The following CNTN4 variants were observed in gnomAD, a reference collection of about 807,000 sequenced individuals.
The protein encoded by CNTN4 is contactin-4.
In CNTN4, 77 loss-of-function variants were observed where a neutral mutation model predicts 122.5. That is an observed-to-expected ratio of 0.63 (90% CI 0.52 to 0.76). The LOEUF (loss-of-function observed/expected upper bound fraction) is 0.76, where lower values mean the gene tolerates loss of function less well. CNTN4 is among the 30% of genes least tolerant of loss of function. The pLI is 0.00. For synonymous variants in CNTN4, 512 were observed against 447.0 expected (o/e 1.15, Z -1.83); for missense variants, 1,256 against 1,259.1 (o/e 1.00, Z 0.04).
intron 4 of CNTN4, among the ~76,000 whole-genome samples, chr3:2,603,469 A>G (rs2081134309): frequency 6.6e-6 from 1 of 152,212 alleles, no homozygotes; most frequent in Non-Finnish European, 1.5e-5. Context: ...AATCCTACAG[A>G]AAATAATGCT....
At chr3:2,741,686 T>C (rs2089465113) in intron 5 of CNTN4, among the ~76,000 whole-genome samples, 1 of 152,214 alleles carries the variant, frequency 6.6e-6, no homozygotes, top group Non-Finnish European at 1.5e-5. Context: ...ATGAGTTAAC[T>C]GGTCCTTGTT....
At chr3:2,108,696 G>C (rs147956578) in intron 2 of CNTN4, among the ~76,000 whole-genome samples, 79 of 152,330 alleles carry the variant, frequency 5.2e-4, no homozygotes, top group African/African-American at 1.8e-3. Context: ...GGAATAGTAT[G>C]TGTTTTGTAG....
chr3:2,271,470 CCTCCATTT>C (rs2041294538), intron 2 of CNTN4, among the ~76,000 whole-genome samples: 1 of 152,098 alleles, frequency 6.6e-6, no homozygotes, highest in South Asian at 2.1e-4. Flanking sequence ...TCTCTCTTTG[CCTCCATTT>C]CTTCATTTGT....
intron 3 of CNTN4, among the ~76,000 whole-genome samples, chr3:2,534,981 G>T (rs2077743904): frequency 6.6e-6 from 1 of 152,052 alleles, no homozygotes; most frequent in Non-Finnish European, 1.5e-5. Flanking sequence ...TGCATGCAGT[G>T]TAAAAGGTCA....
At chr3:2,401,683 A>G (rs1244621924) in intron 3 of CNTN4, among the ~76,000 whole-genome samples, 2 of 152,124 alleles carry the variant, frequency 1.3e-5, no homozygotes, top group Non-Finnish European at 2.9e-5. Context: ...AGGAGTGAAC[A>G]GTGCACATGG....
intron 19 of CNTN4, chr3:3,039,503 G>C (rs905524161): frequency 6.8e-5 from 12 of 175,652 alleles, no homozygotes; most frequent in African/African-American, 2.9e-4. Context: ...GCTTTAGAAA[G>C]GGTTCTTCAT....
intron 3 of CNTN4, among the ~76,000 whole-genome samples, chr3:2,352,319 G>A (rs1264403811): frequency 4.6e-5 from 7 of 152,194 alleles, no homozygotes; most frequent in East Asian, 1.9e-4. Flanking sequence ...TCAGCCTGCC[G>A]CTGCACTGTG....
intron 2 of CNTN4, among the ~76,000 whole-genome samples, chr3:2,245,399 G>T (rs769314042): frequency 5.3e-5 from 8 of 151,966 alleles, no homozygotes; most frequent in Non-Finnish European, 1.0e-4. Flanking sequence ...GAATAATACA[G>T]CCAGGTTGGT....
intron 3 of CNTN4, among the ~76,000 whole-genome samples, chr3:2,439,909 T>C (rs2048375084): frequency 6.6e-6 from 1 of 151,982 alleles, no homozygotes; most frequent in South Asian, 2.1e-4. Flanking sequence ...TTAAAAGCAG[T>C]GCCTTTTGAA....
intron 7 of CNTN4, among the ~76,000 whole-genome samples, chr3:2,855,300 G>T (rs1394932150): frequency 6.6e-6 from 1 of 152,168 alleles, no homozygotes; most frequent in Non-Finnish European, 1.5e-5. Flanking sequence ...CTTTGTCATG[G>T]TCTCAAGAGA....
In CNTN4 at chr3:3,056,200, A is replaced by G. The variant is rs1253673204; in HGVS notation, c.3061A>G (p.Thr1021Ala). Residue 1021 changes from threonine (T) to alanine (A), a missense_variant, in exon 25 of 25, where the codon ACA (threonine) becomes GCA (alanine). Coordinates refer to ENST00000418658, the MANE Select transcript of CNTN4 (RefSeq NM_175607.3). ...SAISTIMISL[T>A]ARSSL ...CATCAGTACAATAATGATTTCCCTC[A>G]CAGCTAGGTCCAGTTTATGACAAAA... is the stretch of plus-strand genomic sequence containing the variant. 6.2e-7 allele frequency: 1 copy of G among 1,613,842 alleles called. No homozygotes were observed. Among genetic ancestry groups the G allele is most frequent in the Admixed American group, 1.7e-5 (1 of 60,024 alleles).
intron 14 of CNTN4, among the ~76,000 whole-genome samples, chr3:3,014,923 G>GA (rs1316055973): frequency 7.7e-6 from 1 of 129,988 alleles, no homozygotes; most frequent in African/African-American, 2.9e-5. Flanking sequence ...ACTCTCAATA[G>GA]AAAAGTTTCC....
intron 10 of CNTN4, among the ~76,000 whole-genome samples, chr3:2,889,689 C>T (rs750375123): frequency 3.3e-5 from 5 of 152,134 alleles, no homozygotes; most frequent in Non-Finnish European, 7.3e-5. Context: ...GTGGCTGTTC[C>T]TAAATGTTAT....
intron 3 of CNTN4, among the ~76,000 whole-genome samples, chr3:2,562,758 C>G (rs1376931599): frequency 2.0e-5 from 3 of 151,642 alleles, no homozygotes; most frequent in Admixed American, 6.6e-5. Context: ...GGGTCTTACA[C>G]TGTCACCCAT....
At chr3:3,008,682 G>A (rs578001475) in intron 14 of CNTN4, among the ~76,000 whole-genome samples, 1 of 152,280 alleles carries the variant, frequency 6.6e-6, no homozygotes, top group South Asian at 2.1e-4. Context: ...ACCTGACACA[G>A]AGACACTCTA....
chr3:2,334,944 C>G (rs1421783921), intron 2 of CNTN4, among the ~76,000 whole-genome samples: 3 of 152,186 alleles, frequency 2.0e-5, no homozygotes, highest in Admixed American at 6.5e-5. Flanking sequence ...TGGAAAGGGT[C>G]TAGATCAGGA....
At chr3:2,222,548 G>A (rs1276790227) in intron 2 of CNTN4, among the ~76,000 whole-genome samples, 1 of 151,596 alleles carries the variant, frequency 6.6e-6, no homozygotes, top group Admixed American at 6.6e-5. Flanking sequence ...TTTTAAATAG[G>A]CACAGAACCA....
intron 13 of CNTN4, among the ~76,000 whole-genome samples, chr3:2,954,569 C>A (rs746254700): frequency 6.6e-6 from 1 of 151,744 alleles, no homozygotes; most frequent in Non-Finnish European, 1.5e-5. Context: ...TCATCCAAAT[C>A]AATAGAGCCA....
chr3:2,160,107 A>G (rs554313692), intron 2 of CNTN4, among the ~76,000 whole-genome samples: 13 of 152,334 alleles, frequency 8.5e-5, no homozygotes, highest in African/African-American at 2.9e-4. Flanking sequence ...TGGAAAAGCT[A>G]AAGTAGACTG....
Sources: gnomAD v4.1 joint callset for allele counts (sites outside exome capture counted in the v4.1 genomes callset) on GRCh38, gnomAD v4.1.1 for gene constraint, MANE v1.5 for transcripts, NCBI Gene and HGNC (gene_info 2026-07-23, HGNC 2026-07-21) for gene names.